Variants in RCC1 observed in about 807,000 individuals in gnomAD.
The protein encoded by RCC1 is regulator of chromosome condensation.
A neutral mutation model predicts 44.4 loss-of-function variants in RCC1; 11 were observed. The ratio of observed to expected loss-of-function variants is 0.25; its 90% CI spans 0.16 to 0.41. The LOEUF (loss-of-function observed/expected upper bound fraction) is 0.41, where lower values mean the gene tolerates loss of function less well. RCC1 is among the 10% of genes least tolerant of loss of function. The pLI, the probability that RCC1 is intolerant of heterozygous loss-of-function variation, is 1.00. For missense variants in RCC1, 386 were observed against 547.1 expected, an observed-to-expected ratio of 0.71 and a Z score of 2.94; for synonymous variants, 213 against 216.5, an observed-to-expected ratio of 0.98 and a Z score of 0.14.
chr1:28,512,149 T>G (rs534352973), intron 3 of RCC1, among the ~76,000 whole-genome samples: 12 of 147,062 alleles, frequency 8.2e-5, no homozygotes, highest in South Asian at 2.1e-4. Flanking sequence ...AATTTTTGTG[T>G]TTTTTTTTTC....
At chr1:28,516,434 C>T (rs1662898593) in intron 3 of RCC1, among the ~76,000 whole-genome samples, 1 of 150,866 alleles carries the variant, frequency 6.6e-6, no homozygotes, top group African/African-American at 2.4e-5. Context: ...ATTGCTTGAA[C>T]CTGGCTGCAG....
chr1:28,533,622 T>A lies in RCC1; in HGVS notation c.441+1272T>A, dbSNP rs565621634. 2.7e-4 allele frequency among the ~76,000 whole-genome samples: 39 copies of A among 146,302 alleles called. 1 individual carries two copies. In the South Asian group the frequency reaches 5.9e-3, roughly 22 times the overall value. On this transcript the variant is annotated intron_variant, in intron 7 of 12. Transcript: ENST00000683442. ...CCTGTCTCTATTAAAATTACAAAAT[T>A]AGCTGGACATGGTGGTGCATGCCTG...
At chr1:28,533,109 C>T (rs1369907441) in intron 7 of RCC1, among the ~76,000 whole-genome samples, 4 of 152,250 alleles carry the variant, frequency 2.6e-5, no homozygotes, top group Middle Eastern at 3.4e-3. Flanking sequence ...CCACCACACC[C>T]GGCCTGATGG....
chr1:28,537,879 G>T lies in RCC1; in HGVS notation c.1138G>T (p.Gly380Trp). Residue 380 changes from glycine (G) to tryptophan (W), a missense_variant, in exon 13 of 13, where the codon GGG becomes TGG. Gly to Trp is a radical substitution (Grantham distance 184, BLOSUM62 -2). Transcript: ENST00000683442. Reference sequence around the variant, plus strand: ...GGGCACCAACTACCAGCTGGGCACAGGGCAGGATGAGGACGCCTGGAGCCC... The same window carrying T: ...GGGCACCAACTACCAGCTGGGCACATGGCAGGATGAGGACGCCTGGAGCCC... ...GMGTNYQLGTGQDEDAWSPVE... is the reference protein window; with the variant it reads ...GMGTNYQLGTWQDEDAWSPVE... 1 of 1,613,616 alleles carries T rather than the reference G, an allele frequency of 6.2e-7. No homozygotes were observed. Among genetic ancestry groups the T allele is most frequent in the Non-Finnish European group, 8.5e-7 (1 of 1,179,842 alleles).
chr1:28,527,853 T>C (rs1468310040), intron 4 of RCC1, among the ~76,000 whole-genome samples: 1 of 150,650 alleles, frequency 6.6e-6, no homozygotes, highest in Non-Finnish European at 1.5e-5. Flanking sequence ...CTACTAAAAA[T>C]ACAAAATAAG....
chr1:28,513,596 T>A (rs1275860848), intron 3 of RCC1, among the ~76,000 whole-genome samples: 1 of 151,938 alleles, frequency 6.6e-6, no homozygotes, highest in African/African-American at 2.4e-5. Context: ...TTTTTTTTTT[T>A]AAGACAGGGT....
Position 28,535,307 on chromosome 1 carries a change from G to A in RCC1, c.588G>A (p.Leu196=). The A allele has an allele frequency of 6.2e-7, 1 of 1,614,212 alleles. No homozygotes were observed. Among genetic ancestry groups the A allele is most frequent in the Non-Finnish European group, 8.5e-7 (1 of 1,180,042 alleles). ...CAGCTGATGGTGACCTCTACACCTT[G>A]GGCTGCGGGGAACAGGGCCAGCTAG... ...MLTADGDLYT[L]GCGEQGQLGR... Residue 196 remains leucine (L), a synonymous_variant, in exon 9 of 13, where the codon TTG becomes TTA. Transcript: ENST00000683442.
intron 4 of RCC1, among the ~76,000 whole-genome samples, chr1:28,523,192 T>C (rs940692924): frequency 3.3e-5 from 5 of 151,848 alleles, no homozygotes; most frequent in African/African-American, 7.3e-5. Context: ...CCACCACGCC[T>C]GTCTAATTTT....
intron 3 of RCC1, among the ~76,000 whole-genome samples, chr1:28,511,827 A>T (rs1324700154): frequency 1.3e-5 from 2 of 149,102 alleles, no homozygotes; most frequent in East Asian, 2.0e-4. Context: ...TGCCCGGCTA[A>T]TTTTTTTTGC....
intron 12 of RCC1, among the ~76,000 whole-genome samples, chr1:28,537,591 T>A (rs540419963): frequency 6.6e-6 from 1 of 152,308 alleles, no homozygotes; most frequent in Non-Finnish European, 1.5e-5. Flanking sequence ...GGACCTTGAA[T>A]GCCACGCCTA....
chr1:28,536,594 C>T lies in RCC1; in HGVS notation c.938-153C>T, dbSNP rs1664568976. Among the ~76,000 whole-genome samples the T allele has an allele frequency of 6.6e-6, 1 of 152,198 alleles. No homozygotes were observed. Among genetic ancestry groups the T allele is most frequent in the South Asian group, 2.1e-4 (1 of 4,838 alleles). ...GCCCATGTAGATTCTCCTAGGCCTC[C>T]TCCAAAACTGGGAAGAGACACTGCA... On this transcript the variant is annotated intron_variant, in intron 11 of 12. Coordinates refer to ENST00000683442, the MANE Select transcript of RCC1 (RefSeq NM_001381865.2). This position sits in a 1 kb window ranked among gnomAD's most constrained non-coding sequence, Gnocchi z 4.9.
intron 3 of RCC1, among the ~76,000 whole-genome samples, chr1:28,513,157 C>T (rs1329515414): frequency 6.6e-6 from 1 of 151,996 alleles, no homozygotes; most frequent in Non-Finnish European, 1.5e-5. Flanking sequence ...CAACTTCTGC[C>T]TCCGGAGTAG....
At chr1:28,506,440 C>T (rs1385665884) in intron 1 of RCC1, 1 of 343,130 alleles carries the variant, frequency 2.9e-6, no homozygotes, top group African/African-American at 2.2e-5. Context: ...CACCCTCGGC[C>T]TTCCAAAGTG....
intron 5 of RCC1, chr1:28,530,723 T>C (rs1273312066): frequency 1.8e-5 from 16 of 869,544 alleles, no homozygotes; most frequent in Non-Finnish European, 2.7e-5. Context: ...GGGCTGCGGG[T>C]TGGGGGGCCG....
chr1:28,532,941 A>G (rs1377306161), intron 7 of RCC1, among the ~76,000 whole-genome samples: 3 of 151,878 alleles, frequency 2.0e-5, no homozygotes, highest in African/African-American at 2.4e-5. Context: ...TCAGCCTCCC[A>G]AGTAGCTGGG....
chr1:28,514,241 G>A (rs1662734286), intron 3 of RCC1, among the ~76,000 whole-genome samples: 2 of 151,906 alleles, frequency 1.3e-5, no homozygotes, highest in African/African-American at 4.8e-5. Flanking sequence ...ACGAGATCAG[G>A]AGATCAAGAC....
At chr1:28,508,649 C>G (rs748786867) in intron 2 of RCC1, 181 bp from the exon 3 acceptor site, 2 of 518,976 alleles carry the variant, frequency 3.9e-6, no homozygotes, top group Non-Finnish European at 7.7e-6. Flanking sequence ...TGTACAGTCC[C>G]TTTCCACAAC....
intron 4 of RCC1, chr1:28,527,295 A>G (rs1317876146): frequency 3.4e-6 from 2 of 587,614 alleles, no homozygotes; most frequent in Non-Finnish European, 6.2e-6. Context: ...GCTAAAGTAC[A>G]GTGGCACAAT....
chr1:28,514,449 CA>C (rs59770782), intron 3 of RCC1, among the ~76,000 whole-genome samples: 12,400 of 135,708 alleles, frequency 0.091, 1,128 homozygotes, highest in African/African-American at 0.24. Context: ...GACTCCGTCT[CA>C]AAAAAAAAAC....
Sources: gnomAD v4.1 joint callset for allele counts (sites outside exome capture counted in the v4.1 genomes callset) on GRCh38, gnomAD v4.1.1 for gene constraint, Gnocchi (gnomAD v3.1) non-coding constraint, MANE v1.5 for transcripts, NCBI Gene and HGNC (gene_info 2026-07-23, HGNC 2026-07-21) for gene names.